MFNG: variants seen among roughly 807,000 people sequenced by gnomAD.
The protein encoded by MFNG is beta-1,3-N-acetylglucosaminyltransferase manic fringe.
A neutral mutation model predicts 34.2 loss-of-function variants in MFNG; 24 were observed. The ratio of observed to expected loss-of-function variants is 0.70; its 90% confidence interval spans 0.51 to 0.99. The LOEUF is 0.99. Ranked by LOEUF, MFNG falls within the 50% of genes least tolerant of loss-of-function variation. The probability of loss-of-function intolerance (pLI) is 0.00; values close to 1 mark genes in which losing one functional copy is unlikely to be tolerated. For missense variants in MFNG, 383 were observed against 424.0 expected, an observed-to-expected ratio of 0.90 and a Z score of 0.85; for synonymous variants, 158 against 179.2, an observed-to-expected ratio of 0.88 and a Z score of 0.94.
intron 2 of MFNG, 114 bp downstream of exon 2, chr22:37,480,607 A>G: frequency 2.0e-6 from 2 of 1,013,212 alleles, no homozygotes; most frequent in Non-Finnish European, 3.0e-6. Flanking sequence ...GAATCTCCAC[A>G]TGCCAAGGGT....
chr22:37,485,902 C>A lies in MFNG; in HGVS notation c.255+21G>T. 1 of 1,603,566 alleles carries A rather than the reference C, an allele frequency of 6.2e-7. No individual in the cohort carries two copies. The highest frequency in any genetic ancestry group is 8.5e-7 in the Non-Finnish European group (1 of 1,172,938). On this transcript the variant is annotated intron_variant, in intron 1 of 7. Coordinates refer to ENST00000356998, the MANE Select transcript of MFNG (RefSeq NM_002405.4). This position sits in a 1 kb window ranked among gnomAD's most constrained non-coding sequence, Gnocchi z 5.3. ...TTAGGCCAGGGGCCACCCCCAGGGC[C>A]CAATGTCACCCACTTGTCACCTGTT...
At chr22:37,476,559 T>C (rs1922050112) in intron 5 of MFNG, among the ~76,000 whole-genome samples, 1 of 152,082 alleles carries the variant, frequency 6.6e-6, no homozygotes, top group African/African-American at 2.4e-5. Flanking sequence ...GGGCGGTAAA[T>C]AGCACCTACC....
chr22:37,470,275 A>C (rs931921651), intron 7 of MFNG, among the ~76,000 whole-genome samples: 3 of 152,128 alleles, frequency 2.0e-5, no homozygotes, highest in Non-Finnish European at 2.9e-5. Flanking sequence ...AAGAATCAAA[A>C]ATGTCTCCGA....
chr22:37,477,204 C>G (rs559165966), intron 4 of MFNG, among the ~76,000 whole-genome samples: 1 of 152,366 alleles, frequency 6.6e-6, no homozygotes. Context: ...GGTCACTGAT[C>G]AGACTCAAGT....
intron 4 of MFNG, among the ~76,000 whole-genome samples, chr22:37,478,146 T>A (rs1339293999): frequency 6.6e-6 from 1 of 152,104 alleles, no homozygotes; most frequent in Non-Finnish European, 1.5e-5. Flanking sequence ...AGAGGCTGAT[T>A]AGCTACTGAT....
rs571837081 is a variant in MFNG at position 37,483,636 on chromosome 22, C to T, written c.255+2287G>A. ...TCTCTACTAAAAATAGAAAAATTAGCCGGGCGTGGTGCGCATGCCTGTAGT... is the reference window on the plus strand; with the variant it reads ...TCTCTACTAAAAATAGAAAAATTAGTCGGGCGTGGTGCGCATGCCTGTAGT... On this transcript the variant is annotated intron_variant, in intron 1 of 7. Transcript: ENST00000356998. The surrounding 1 kb of genome is among the most constrained non-coding windows in gnomAD (Gnocchi z 4.5). Among the ~76,000 whole-genome samples the T allele has an allele frequency of 6.6e-6, 1 of 152,122 alleles. No homozygotes were observed. Among genetic ancestry groups the T allele is most frequent in the Non-Finnish European group, 1.5e-5 (1 of 67,992 alleles).
chr22:37,479,585 CG>C, intron 3 of MFNG, 87 bp from the exon 4 acceptor site: 1 of 1,530,800 alleles, frequency 6.5e-7, no homozygotes, highest in Non-Finnish European at 8.9e-7. Context: ...TCAACAGTGA[CG>C]GAATGGGGGT....
In MFNG at chr22:37,483,833, G is replaced by A. The variant is rs901276572; in HGVS notation, c.255+2090C>T. 5.3e-5 allele frequency among the ~76,000 whole-genome samples: 8 copies of A among 152,150 alleles called. No homozygotes were observed. Among genetic ancestry groups the A allele is most frequent in the African/African-American group, 1.7e-4 (7 of 41,426 alleles). On this transcript the variant is annotated intron_variant, in intron 1 of 7. Transcript: ENST00000356998. The surrounding 1 kb of genome is among the most constrained non-coding windows in gnomAD (Gnocchi z 4.5). ...AGAGTGAGGGAGAGAGCCGGGAAGG[G>A]GAGTCCAGGTCCAGAGGGGGCGGGG... is the stretch of plus-strand genomic sequence containing the variant.
chr22:37,469,680 C>A lies in MFNG; in HGVS notation c.*283G>T, dbSNP rs1314903803. 5.8e-6 allele frequency: 3 copies of A among 515,270 alleles called. No homozygotes were observed. Among genetic ancestry groups the A allele is most frequent in the Non-Finnish European group, 1.1e-5 (3 of 275,382 alleles). The allele number at this position is 515,270 out of a possible 1,614,324, so 31.9% of individuals were successfully genotyped here. ...CCTGAGCCCCAGCCCAGCTCAAGTG[C>A]CCCCTGCCCTTTTTCAATTCAGCCT... On this transcript the variant is annotated 3_prime_UTR_variant, in exon 8 of 8. Transcript: ENST00000356998.
rs754508062 is a variant in MFNG, at chr22:37,479,469, T to C, written c.437A>G (p.Tyr146Cys). ...RWFCHVDDDNYVNPRALLQLL... is the reference protein window; with the variant it reads ...RWFCHVDDDNCVNPRALLQLL... ...CTGCAGCAGCGCCCTTGGGTTCACA[T>C]AGTTGTCATCGTCCACATGGCAGAA... is the stretch of plus-strand genomic sequence containing the variant. Residue 146 changes from tyrosine to cysteine, a missense_variant, in exon 4 of 8, where the codon TAT becomes TGT. Transcript: ENST00000356998. 1.1e-5 allele frequency: 18 copies of C among 1,610,840 alleles called. No homozygotes were observed. Among genetic ancestry groups the C allele is most frequent in the Admixed American group, 1.7e-5 (1 of 59,566 alleles).
chr22:37,476,856 C>A lies in MFNG; in HGVS notation c.647+40G>T. ...CCCCTCCTGTACCCCAGCTGCCACC[C>A]CCTCCCCGCCTTCCTGCCCACCCCT... On this transcript the variant is annotated intron_variant, in intron 5 of 7. Transcript: ENST00000356998. The A allele has an allele frequency of 2.6e-6, 4 of 1,524,156 alleles. No homozygotes were observed. In the East Asian group the frequency reaches 9.0e-5, roughly 34 times the overall value. 94.4% of individuals were successfully genotyped at this position (1,524,156 alleles called of 1,614,324 possible).
rs375075541 is a variant in MFNG at position 37,479,500 on chromosome 22, T to A, written c.408-2A>T. 7 of 1,609,800 alleles carry A rather than the reference T, an allele frequency of 4.3e-6. 1 individual carries two copies. The highest frequency in any genetic ancestry group is 3.3e-4 in the Middle Eastern group (2 of 6,068). ...TCATCGTCCACATGGCAGAACCACC[T>A]GTAGGGATGAAACGGGGACAGTGAA... On this transcript the variant is annotated splice_acceptor_variant, in intron 3 of 7. Coordinates refer to ENST00000356998, the MANE Select transcript of MFNG (RefSeq NM_002405.4). LOFTEE classifies it high-confidence loss of function.
chr22:37,471,363 G>A (rs1921793202), intron 7 of MFNG, among the ~76,000 whole-genome samples: 1 of 152,242 alleles, frequency 6.6e-6, no homozygotes, highest in African/African-American at 2.4e-5. Flanking sequence ...GCCACAGGAG[G>A]GAGGAACTCC....
At chr22:37,479,860 C>T (rs981426251) in intron 3 of MFNG, among the ~76,000 whole-genome samples, 8 of 152,088 alleles carry the variant, frequency 5.3e-5, no homozygotes, top group African/African-American at 1.9e-4. Context: ...AAAAGTTAGC[C>T]AGGCATGATG....
In MFNG at chr22:37,486,221, A is replaced by G; in HGVS notation, c.-44T>C. 1.4e-6 allele frequency: 2 copies of G among 1,475,252 alleles called. No individual in the cohort carries two copies. Among genetic ancestry groups the G allele is most frequent in the African/African-American group, 2.8e-5 (2 of 71,308 alleles). 91.4% of individuals were successfully genotyped at this position (1,475,252 alleles called of 1,614,324 possible). Reference sequence around the variant, plus strand: ...CAGACAGCTCAGCCCCCAAATCCCAACCAGACAGGGAGGGGAAGCTGGTCA... The same window carrying G: ...CAGACAGCTCAGCCCCCAAATCCCAGCCAGACAGGGAGGGGAAGCTGGTCA... On this transcript the variant is annotated 5_prime_UTR_variant, in exon 1 of 8. Coordinates refer to ENST00000356998, the MANE Select transcript of MFNG (RefSeq NM_002405.4).
intron 1 of MFNG, chr22:37,484,295 C>T (rs1922436904): frequency 6.6e-6 from 1 of 152,488 alleles, no homozygotes; most frequent in Non-Finnish European, 1.5e-5. Flanking sequence ...AGTTAACCAG[C>T]TCAGGCCCGG....
intron 5 of MFNG, 33 bp from the exon 6 acceptor site, chr22:37,474,710 C>G: frequency 6.4e-7 from 1 of 1,551,516 alleles, no homozygotes; most frequent in Non-Finnish European, 8.7e-7. Flanking sequence ...AGACGCTGGC[C>G]CAGGCCCTCC....
At chr22:37,476,709 C>T (rs1428128557) in intron 5 of MFNG, among the ~76,000 whole-genome samples, 187 bp downstream of exon 5, 2 of 152,198 alleles carry the variant, frequency 1.3e-5, no homozygotes, top group Non-Finnish European at 2.9e-5. Context: ...TGCGCTCAGC[C>T]GTGCAGCCCC....
chr22:37,478,411 C>T (rs1032597948), intron 4 of MFNG, among the ~76,000 whole-genome samples: 1 of 152,188 alleles, frequency 6.6e-6, no homozygotes, highest in Admixed American at 6.5e-5. Flanking sequence ...CTAAAAATTT[C>T]CTCATTATTT....
Sources: gnomAD v4.1 joint callset for allele counts (sites outside exome capture counted in the v4.1 genomes callset) on GRCh38, gnomAD v4.1.1 for gene constraint, Gnocchi (gnomAD v3.1) non-coding constraint, MANE v1.5 for transcripts, NCBI Gene and HGNC (gene_info 2026-07-23, HGNC 2026-07-21) for gene names.